CRBN: variants seen among roughly 807,000 people sequenced by gnomAD.
CRBN encodes protein cereblon.
Under a neutral mutation model 62.2 loss-of-function variants are expected in CRBN, and 53 were observed. The observed-to-expected ratio is 0.85, with a 90% CI of 0.68 to 1.07. The LOEUF (loss-of-function observed/expected upper bound fraction) is 1.07, where lower values mean the gene tolerates loss of function less well. Among genes scored for constraint, CRBN ranks in the 50% least tolerant of loss-of-function variants. The pLI is 0.00. For synonymous variants in CRBN, 208 were observed against 176.1 expected, an observed-to-expected ratio of 1.18 and a Z score of -1.43; for missense variants, 616 against 531.1, an observed-to-expected ratio of 1.16 and a Z score of -1.57.
Position 3,153,442 on chromosome 3 carries a change from G to T in CRBN, c.998C>A (p.Thr333Asn). The T allele has an allele frequency of 6.4e-7, 1 of 1,560,968 alleles. No homozygotes were observed. The highest frequency in any genetic ancestry group is 8.8e-7 in the Non-Finnish European group (1 of 1,132,048). ...CKQCQETEITTKNEIFSLSLC... is the reference protein window; with the variant it reads ...CKQCQETEITNKNEIFSLSLC... ...ACCTTACCTGAATATTTCATTTTTG[G>T]TTGTTATTTCTGTTTCTTGACATTG... Residue 333 changes from threonine to asparagine, a missense_variant, in exon 9 of 11, where the codon ACC becomes AAC. By Grantham distance (65) the Thr-to-Asn change is moderately conservative. Coordinates refer to ENST00000231948, the MANE Select transcript of CRBN (RefSeq NM_016302.4).
At chr3:3,152,051 G>A (rs1017643009) in intron 10 of CRBN, among the ~76,000 whole-genome samples, 3 of 152,098 alleles carry the variant, frequency 2.0e-5, no homozygotes, top group African/African-American at 4.8e-5. Context: ...GAGGACAACT[G>A]CAGTTGTCAA....
intron 1 of CRBN, among the ~76,000 whole-genome samples, chr3:3,177,222 G>A (rs1024618334): frequency 5.9e-5 from 9 of 152,152 alleles, no homozygotes; most frequent in African/African-American, 1.9e-4. Context: ...ATTTTTAAAT[G>A]CCCCAAATAA....
rs761493528 is a variant in CRBN at position 3,154,836 on chromosome 3, T to A, written c.751-5A>T. On this transcript the variant is annotated splice_region_variant and splice_polypyrimidine_tract_variant and intron_variant, in intron 6 of 10. Transcript: ENST00000231948. ...GATTCTGTCCATTAAGGTCTCCTTG[T>A]TTAAAATAAAGGTAGCCATAATCAA... 4 of 1,550,194 alleles carry A rather than the reference T, an allele frequency of 2.6e-6. No individual in the cohort carries two copies. The highest frequency in any genetic ancestry group is 3.6e-6 in the Non-Finnish European group (4 of 1,122,122).
chr3:3,152,987 A>G (rs1575079996), intron 9 of CRBN: 1 of 297,920 alleles, frequency 3.4e-6, no homozygotes, highest in East Asian at 8.3e-5. Context: ...TTCTTGATTT[A>G]CAACTGATGG....
chr3:3,154,720 T>C, intron 7 of CRBN, 27 bp downstream of exon 7: 2 of 1,252,246 alleles, frequency 1.6e-6, no homozygotes, highest in Non-Finnish European at 2.4e-6. Context: ...CATCCCAGGC[T>C]CCAGGCAGGA....
rs1015322613 is a variant in CRBN at position 3,174,077 on chromosome 3, A to C, written c.359T>G (p.Phe120Cys). The C allele has an allele frequency of 3.7e-6, 6 of 1,613,984 alleles. No homozygotes were observed. The highest frequency in any genetic ancestry group is 5.1e-6 in the Non-Finnish European group (6 of 1,179,964). The change falls in exon 3 of 11, where the codon TTT becomes TGT. Residue 120 changes from phenylalanine (F) to cysteine (C), a missense_variant. Transcript: ENST00000231948. ...ATTTTACCTGTATGCAAGAACAGCA[A>C]AGGTTCTATCTTTCTGAATTAAATT... ...VRNLIQKDRTFAVLAYSNVQE... is the reference protein window; with the variant it reads ...VRNLIQKDRTCAVLAYSNVQE...
intron 5 of CRBN, among the ~76,000 whole-genome samples, chr3:3,165,881 A>C (rs960335749): frequency 3.9e-5 from 6 of 152,152 alleles, no homozygotes; most frequent in Non-Finnish European, 7.4e-5. Flanking sequence ...TCAGTAGCAA[A>C]CCAGTGCCAA....
chr3:3,173,333 T>C (rs752622735), intron 3 of CRBN, among the ~76,000 whole-genome samples: 7 of 152,124 alleles, frequency 4.6e-5, no homozygotes, highest in East Asian at 1.9e-4. Context: ...GCTGGGAGTA[T>C]AGGCGTGAGC....
chr3:3,165,355 C>A (rs559563148), intron 5 of CRBN, among the ~76,000 whole-genome samples: 1 of 152,300 alleles, frequency 6.6e-6, no homozygotes, highest in African/African-American at 2.4e-5. Context: ...TAAATGCTAT[C>A]AAACAGCGCC....
chr3:3,156,578 C>T (rs916799641), intron 5 of CRBN: 1 of 414,828 alleles, frequency 2.4e-6, no homozygotes. Flanking sequence ...AAACACCATA[C>T]TTCTATTATG....
chr3:3,170,935 A>T (rs547892631), intron 4 of CRBN, among the ~76,000 whole-genome samples: 20 of 151,990 alleles, frequency 1.3e-4, no homozygotes, highest in Non-Finnish European at 2.8e-4. Flanking sequence ...CCTCCCTAGT[A>T]GCTGGGATTA....
rs4183 is a variant in CRBN, at chr3:3,150,840, A to ATAACTAAC, written c.*24_*25insGTTAGTTA. 21 of 1,602,598 alleles carry ATAACTAAC rather than the reference A, an allele frequency of 1.3e-5. No homozygotes were observed. The highest frequency in any genetic ancestry group is 4.4e-5 in the South Asian group (4 of 90,204). ...TCTTAGAATATAACCAATTTGTTAG[A>ATAACTAAC]TAACTTTATCTCTATCACATCTGTT... is the stretch of plus-strand genomic sequence containing the variant. On this transcript the variant is annotated 3_prime_UTR_variant, in exon 11 of 11. Transcript: ENST00000231948.
At chr3:3,170,673 G>GA (rs1480126673) in intron 4 of CRBN, among the ~76,000 whole-genome samples, 1 of 152,186 alleles carries the variant, frequency 6.6e-6, no homozygotes. Context: ...GGAGCCAAGA[G>GA]AAATCTCATT....
chr3:3,173,346 C>T (rs2126068015), intron 3 of CRBN, among the ~76,000 whole-genome samples: 1 of 152,272 alleles, frequency 6.6e-6, no homozygotes, highest in East Asian at 1.9e-4. Flanking sequence ...GCGTGAGCTA[C>T]CATGCCCGGC....
At chr3:3,162,130 A>G (rs1167059042) in intron 5 of CRBN, among the ~76,000 whole-genome samples, 1 of 152,204 alleles carries the variant, frequency 6.6e-6, no homozygotes, top group East Asian at 1.9e-4. Context: ...AGAGGCCAGA[A>G]AGATGAGACT....
chr3:3,169,242 G>C (rs1707497123), intron 4 of CRBN, among the ~76,000 whole-genome samples: 1 of 152,124 alleles, frequency 6.6e-6, no homozygotes, highest in African/African-American at 2.4e-5. Flanking sequence ...CATGGCCAGG[G>C]TCCACTGCAT....
chr3:3,157,281 A>G (rs770584980), intron 5 of CRBN, among the ~76,000 whole-genome samples: 2 of 152,240 alleles, frequency 1.3e-5, no homozygotes. Context: ...TCTGCAAGTG[A>G]TCAAAGAACA....
chr3:3,154,430 T>A (rs1706789346), intron 7 of CRBN: 1 of 458,692 alleles, frequency 2.2e-6, no homozygotes, highest in African/African-American at 2.0e-5. Flanking sequence ...CTCACTTCTT[T>A]TAAAGGCACC....
intron 1 of CRBN, among the ~76,000 whole-genome samples, chr3:3,178,600 T>G (rs1707929468): frequency 6.6e-6 from 1 of 152,200 alleles, no homozygotes; most frequent in Non-Finnish European, 1.5e-5. Context: ...CCTCTGACCC[T>G]TAAACAACCT....
Sources: gnomAD v4.1 joint callset for allele counts (sites outside exome capture counted in the v4.1 genomes callset) on GRCh38, gnomAD v4.1.1 for gene constraint, MANE v1.5 for transcripts, NCBI Gene and HGNC (gene_info 2026-07-23, HGNC 2026-07-21) for gene names.